The following PPP2R2B variants were observed in gnomAD, a reference collection of about 807,000 sequenced individuals.
PPP2R2B encodes serine/threonine-protein phosphatase 2A 55 kDa regulatory subunit B beta isoform.
In PPP2R2B, 5 loss-of-function variants were observed where a neutral mutation model predicts 46.0. That is an observed-to-expected ratio of 0.11 (90% CI 0.06 to 0.23). The LOEUF (loss-of-function observed/expected upper bound fraction) is 0.23. Among genes scored for constraint, PPP2R2B ranks in the 10% least tolerant of loss-of-function variants. The pLI is 1.00. For missense variants in PPP2R2B, 367 were observed against 575.0 expected (o/e 0.64, Z 3.70); for synonymous variants, 215 against 206.7 (o/e 1.04, Z -0.34).
chr5:146,593,090 A>G (rs776267459), intron 8 of PPP2R2B, 28 bp from the exon 9 acceptor site: 4 of 1,544,884 alleles, frequency 2.6e-6, no homozygotes, highest in African/African-American at 2.7e-5. Flanking sequence ...CGAGAAGGTC[A>G]GTTATTATTT....
chr5:146,623,908 T>A (rs1561781684), intron 7 of PPP2R2B, among the ~76,000 whole-genome samples: 2 of 152,158 alleles, frequency 1.3e-5, no homozygotes, highest in Admixed American at 6.6e-5. Flanking sequence ...TGCTACCTAC[T>A]GAGCTGTCAA....
intron 2 of PPP2R2B, among the ~76,000 whole-genome samples, chr5:147,075,997 A>G (rs1325748322): frequency 3.9e-5 from 6 of 152,148 alleles, no homozygotes; most frequent in Non-Finnish European, 8.8e-5. Context: ...TATTATCCCA[A>G]TTTTACATAT....
chr5:146,621,551 G>T (rs184254789), intron 7 of PPP2R2B, among the ~76,000 whole-genome samples: 1 of 152,148 alleles, frequency 6.6e-6, no homozygotes, highest in Non-Finnish European at 1.5e-5. Flanking sequence ...GGATTAAACC[G>T]CTGGTTTGGG....
intron 1 of PPP2R2B, among the ~76,000 whole-genome samples, chr5:146,954,980 C>T (rs1751818663): frequency 6.6e-6 from 1 of 152,004 alleles, no homozygotes. Flanking sequence ...TAGGAAGAAC[C>T]ATGATGAATA....
chr5:146,802,392 G>A lies in PPP2R2B; in HGVS notation c.70+75610C>T, dbSNP rs76681182. On this transcript the variant is annotated intron_variant, in intron 2 of 9. Transcript: ENST00000394411. ...TACCTGAGGGCACTGCCTGGCTTTG[G>A]AAATTTGAGTGCATATTATCACTAT... Among the ~76,000 whole-genome samples, 5 of 152,140 alleles carry A rather than the reference G, an allele frequency of 3.3e-5. No individual in the cohort carries two copies. In the East Asian group the frequency reaches 7.7e-4, roughly 23 times the overall value.
chr5:146,864,938 A>T (rs1181000462), intron 2 of PPP2R2B, among the ~76,000 whole-genome samples: 1 of 152,216 alleles, frequency 6.6e-6, no homozygotes, highest in Non-Finnish European at 1.5e-5. Context: ...ATTCCTTGGG[A>T]TAGCCATTTT....
At chr5:146,677,033 C>T (rs1777773378) in intron 5 of PPP2R2B, among the ~76,000 whole-genome samples, 1 of 140,722 alleles carries the variant, frequency 7.1e-6, no homozygotes, top group South Asian at 2.2e-4. Flanking sequence ...CCTTATAACT[C>T]CTGAACTCCT....
At chr5:146,673,863 T>C (rs1777533211) in intron 5 of PPP2R2B, among the ~76,000 whole-genome samples, 2 of 152,192 alleles carry the variant, frequency 1.3e-5, no homozygotes, top group South Asian at 4.1e-4. Flanking sequence ...AACTGAGGAT[T>C]TTTTTCATCA....
At chr5:146,908,776 G>T (rs319172) in intron 1 of PPP2R2B, among the ~76,000 whole-genome samples, 74,769 of 150,630 alleles carry the variant, frequency 0.5, 20,632 homozygotes, top group African/African-American at 0.73. Context: ...TTCCTTTCCC[G>T]CCCTCCCTTC....
rs1419850688 is a variant in PPP2R2B at position 146,720,113 on chromosome 5, T to A, written c.71-18971A>T. ...AGGCATCTGAGTTAGCAGCTGCTGG[T>A]CTTTACTGTTGAGTGGTATCCTCTG... On this transcript the variant is annotated intron_variant, in intron 2 of 9. Transcript: ENST00000394411. Among the ~76,000 whole-genome samples the A allele has an allele frequency of 2.0e-5, 3 of 152,232 alleles. No individual in the cohort carries two copies. The East Asian group carries it at 5.8e-4, about 29-fold the overall frequency.
Position 146,769,513 on chromosome 5 carries a change from C to G in PPP2R2B, c.71-68371G>C, listed in dbSNP as rs114938265. On this transcript the variant is annotated intron_variant, in intron 2 of 9. Coordinates refer to ENST00000394411, the MANE Select transcript of PPP2R2B (RefSeq NM_181675.4). Reference sequence around the variant, plus strand: ...GCTTTTCTCACTAGATTTGCAAGCACTGTAAGGATCAGCAATCATTGTTGA... The same window carrying G: ...GCTTTTCTCACTAGATTTGCAAGCAGTGTAAGGATCAGCAATCATTGTTGA... Among the ~76,000 whole-genome samples the G allele has an allele frequency of 7.8e-3, 1,189 of 152,280 alleles. 10 individuals are homozygous for G. The highest frequency in any genetic ancestry group is 0.013 in the Non-Finnish European group (882 of 68,030).
At chr5:147,010,876 C>A (rs1754694075) in intron 1 of PPP2R2B, among the ~76,000 whole-genome samples, 1 of 152,120 alleles carries the variant, frequency 6.6e-6, no homozygotes, top group Non-Finnish European at 1.5e-5. Context: ...CTGGACTGAG[C>A]TGCTTCATGG....
At chr5:147,001,153 C>T (rs187681855) in intron 1 of PPP2R2B, among the ~76,000 whole-genome samples, 17 of 152,292 alleles carry the variant, frequency 1.1e-4, no homozygotes, top group African/African-American at 4.1e-4. Flanking sequence ...ATGGACCAAT[C>T]ACCAGGGTGG....
At chr5:147,073,277 C>T (rs539700024) in intron 2 of PPP2R2B, among the ~76,000 whole-genome samples, 2 of 152,270 alleles carry the variant, frequency 1.3e-5, no homozygotes, top group South Asian at 2.1e-4. Flanking sequence ...AGGATGTTTG[C>T]CTTCAATGTT....
At chr5:147,057,212 T>A (rs1298842069), upstream of PPP2R2B, among the ~76,000 whole-genome samples, 1 of 152,222 alleles carries the variant, frequency 6.6e-6, no homozygotes, top group Admixed American at 6.5e-5. Flanking sequence ...CTTGGACTAC[T>A]ATGGCATGGT....
At chr5:146,821,660 GATAAT>G (rs1758269266) in intron 2 of PPP2R2B, among the ~76,000 whole-genome samples, 1 of 151,876 alleles carries the variant, frequency 6.6e-6, no homozygotes, top group African/African-American at 2.4e-5. Flanking sequence ...TTCAAAAAAA[GATAAT>G]AGAGTTGAAA....
intron 4 of PPP2R2B, among the ~76,000 whole-genome samples, chr5:146,696,402 C>A (rs1471488216): frequency 6.6e-6 from 1 of 152,174 alleles, no homozygotes; most frequent in Admixed American, 6.5e-5. Flanking sequence ...CCGCGCCTGG[C>A]CAAGTCTTCG....
intron 2 of PPP2R2B, among the ~76,000 whole-genome samples, chr5:146,792,906 T>C (rs1582115587): frequency 6.6e-6 from 1 of 152,178 alleles, no homozygotes; most frequent in East Asian, 1.9e-4. Context: ...TGGGGAGTCA[T>C]TGAAAGATTT....
In PPP2R2B at chr5:146,596,065, G is replaced by A. The variant is rs116782721; in HGVS notation, c.961-3003C>T. 3.8e-3 allele frequency among the ~76,000 whole-genome samples: 585 copies of A among 152,232 alleles called. 5 individuals are homozygous for A. Among genetic ancestry groups the A allele is most frequent in the African/African-American group, 0.014 (561 of 41,532 alleles). On this transcript the variant is annotated intron_variant, in intron 8 of 9. Coordinates refer to ENST00000394411, the MANE Select transcript of PPP2R2B (RefSeq NM_181675.4). ...TATTTTAAGCTCTGTGGGCCGTATG[G>A]TCTCTGTGACAGCTACTCAACTCTG...
Sources: gnomAD v4.1 joint callset for allele counts (sites outside exome capture counted in the v4.1 genomes callset) on GRCh38, gnomAD v4.1.1 for gene constraint, MANE v1.5 for transcripts, NCBI Gene and HGNC (gene_info 2026-07-23, HGNC 2026-07-21) for gene names.